Variants in SORCS2 observed in about 807,000 individuals in gnomAD.
SORCS2 encodes VPS10 domain-containing receptor SorCS2.
Under a neutral mutation model 141.6 loss-of-function variants are expected in SORCS2, and 100 were observed. The observed-to-expected ratio is 0.71, with a 90% CI of 0.60 to 0.83. SORCS2 has a LOEUF of 0.83. Ranked by LOEUF, SORCS2 falls within the 40% of genes least tolerant of loss-of-function variation. The pLI is 0.00. For missense variants in SORCS2, 1,646 were observed against 1,560.2 expected (o/e 1.05, Z -0.93); for synonymous variants, 789 against 676.9 (o/e 1.17, Z -2.57).
At chr4:7,267,240 A>T (rs371804148) in intron 1 of SORCS2, among the ~76,000 whole-genome samples, 19 of 152,184 alleles carry the variant, frequency 1.2e-4, no homozygotes, top group East Asian at 7.7e-4. Context: ...TTCTGGTATA[A>T]CTACTTCTTC....
In SORCS2 at chr4:7,664,310, C is replaced by T. The variant is rs368853018; in HGVS notation, c.953-43C>T. 1.1e-4 allele frequency: 169 copies of T among 1,544,106 alleles called. 1 individual carries two copies. The South Asian group carries it at 1.4e-3, about 13-fold the overall frequency. ...ACATGTCTCGGGCCGTCTCTGGCTC[C>T]GGCTGGAGTCTGACCGCCTGGGTCG... On this transcript the variant is annotated intron_variant, in intron 6 of 26. Coordinates refer to ENST00000507866, the MANE Select transcript of SORCS2 (RefSeq NM_020777.3). The surrounding 1 kb of genome is among the most constrained non-coding windows in gnomAD (Gnocchi z 4.7).
At chr4:7,443,784 C>G (rs768923121) in intron 2 of SORCS2, among the ~76,000 whole-genome samples, 26 of 152,242 alleles carry the variant, frequency 1.7e-4, no homozygotes, top group Non-Finnish European at 3.7e-4. Flanking sequence ...GGCCAAGCAT[C>G]TCCCATGTGG....
chr4:7,704,867 C>T (rs1160142615), intron 14 of SORCS2, among the ~76,000 whole-genome samples: 23 of 152,186 alleles, frequency 1.5e-4, no homozygotes. Flanking sequence ...TGCCCTCGAA[C>T]ATGGGCCCCT....
At chr4:7,727,011 T>G in intron 21 of SORCS2, 108 bp downstream of exon 21, 38 of 1,255,804 alleles carry the variant, frequency 3.0e-5, no homozygotes, top group East Asian at 8.5e-5. Context: ...TCACCCTGAG[T>G]GGCCCTGGGG....
intron 1 of SORCS2, among the ~76,000 whole-genome samples, chr4:7,256,947 G>A (rs1257751611): frequency 6.6e-6 from 1 of 152,208 alleles, no homozygotes; most frequent in Non-Finnish European, 1.5e-5. Context: ...TCCTTTGGAT[G>A]TAGGTGTCAT....
At chr4:7,729,476 G>T in intron 22 of SORCS2, 111 bp from the exon 23 acceptor site, 2 of 1,401,050 alleles carry the variant, frequency 1.4e-6, no homozygotes, top group Non-Finnish European at 1.9e-6. Context: ...GGAACGGCCT[G>T]TGAGACAGGT....
At position 7,648,231 on chromosome 4, in the gene SORCS2, G is replaced by A. The variant is rs919439314; in HGVS notation, c.814-5903G>A. Among the ~76,000 whole-genome samples the A allele has an allele frequency of 1.5e-4, 23 of 152,188 alleles. No homozygotes were observed. Among genetic ancestry groups the A allele is most frequent in the African/African-American group, 5.6e-4 (23 of 41,436 alleles). ...GGAGGAGGAAGACACGGAGGCTGGAGGAGCAGGGCTGGTTGAGAAAGGAGC... is the reference window on the plus strand; with the variant it reads ...GGAGGAGGAAGACACGGAGGCTGGAAGAGCAGGGCTGGTTGAGAAAGGAGC... On this transcript the variant is annotated intron_variant, in intron 4 of 26. Coordinates refer to ENST00000507866, the MANE Select transcript of SORCS2 (RefSeq NM_020777.3). The surrounding 1 kb of genome is among the most constrained non-coding windows in gnomAD (Gnocchi z 4.2).
At chr4:7,722,949 G>C (rs1340585053) in intron 18 of SORCS2, among the ~76,000 whole-genome samples, 2 of 152,180 alleles carry the variant, frequency 1.3e-5, no homozygotes, top group Non-Finnish European at 2.9e-5. Flanking sequence ...GGGAGGAAGA[G>C]GGAAGGGGAG....
rs200881112 is a variant in SORCS2, at chr4:7,363,197, C to T, written c.481-33091C>T. Reference sequence around the variant, plus strand: ...TTACTACCCTCATCACCACCTTCACCGTCACCACCACCACCACCACCATTA... The same window carrying T: ...TTACTACCCTCATCACCACCTTCACTGTCACCACCACCACCACCACCATTA... On this transcript the variant is annotated intron_variant, in intron 1 of 26. Coordinates refer to ENST00000507866, the MANE Select transcript of SORCS2 (RefSeq NM_020777.3). Among the ~76,000 whole-genome samples the T allele has an allele frequency of 4.0e-4, 59 of 148,072 alleles. No homozygotes were observed. In the East Asian group the frequency reaches 0.011, roughly 29 times the overall value.
chr4:7,573,360 C>A (rs945158088), intron 3 of SORCS2, among the ~76,000 whole-genome samples: 5 of 152,220 alleles, frequency 3.3e-5, no homozygotes, highest in African/African-American at 4.8e-5. Flanking sequence ...AGTGGCAAGA[C>A]CTCGGTTACT....
At chr4:7,736,072 C>G (rs940285052) in intron 25 of SORCS2, among the ~76,000 whole-genome samples, 1 of 152,258 alleles carries the variant, frequency 6.6e-6, no homozygotes, top group African/African-American at 2.4e-5. Flanking sequence ...CATCTCACAG[C>G]AGAGCAACGC....
chr4:7,514,288 C>T (rs1301514356), intron 2 of SORCS2, among the ~76,000 whole-genome samples: 1 of 152,066 alleles, frequency 6.6e-6, no homozygotes, highest in East Asian at 1.9e-4. Context: ...CTTGGGTGGG[C>T]CTGGCTCACA....
At chr4:7,503,512 A>G (rs1732098624) in intron 2 of SORCS2, among the ~76,000 whole-genome samples, 1 of 152,188 alleles carries the variant, frequency 6.6e-6, no homozygotes. Context: ...ACAGAGATGG[A>G]GACAGAGAGA....
At chr4:7,482,772 C>T (rs1257024288) in intron 2 of SORCS2, among the ~76,000 whole-genome samples, 3 of 146,288 alleles carry the variant, frequency 2.1e-5, no homozygotes, top group Non-Finnish European at 3.0e-5. Context: ...ACCTGTATCC[C>T]CGCTGCGGAC....
At chr4:7,595,614 G>A (rs1717221006) in intron 3 of SORCS2, among the ~76,000 whole-genome samples, 1 of 151,598 alleles carries the variant, frequency 6.6e-6, no homozygotes, top group Non-Finnish European at 1.5e-5. Context: ...AGGGTCCTAG[G>A]AGCTGTGTGC....
intron 1 of SORCS2, among the ~76,000 whole-genome samples, chr4:7,302,789 G>GTGTGTGTGTGTGTA: frequency 8.2e-6 from 1 of 122,288 alleles, no homozygotes; most frequent in Non-Finnish European, 1.8e-5. Flanking sequence ...GTGTGTGTGT[G>GTGTGTGTGTGTGTA]CGCGCGCGTG....
chr4:7,228,875 C>T (rs535054372), intron 1 of SORCS2, among the ~76,000 whole-genome samples: 7 of 152,222 alleles, frequency 4.6e-5, no homozygotes, highest in Non-Finnish European at 8.8e-5. Flanking sequence ...ATGGCATCAG[C>T]AGCCGGGCTG....
chr4:7,593,399 T>G (rs1157263243), intron 3 of SORCS2, among the ~76,000 whole-genome samples: 1 of 152,140 alleles, frequency 6.6e-6, no homozygotes, highest in Non-Finnish European at 1.5e-5. Flanking sequence ...CAGTCTTCAT[T>G]GGAAAGCAGG....
chr4:7,374,652 A>G (rs1722515356), intron 1 of SORCS2, among the ~76,000 whole-genome samples: 1 of 152,100 alleles, frequency 6.6e-6, no homozygotes, highest in African/African-American at 2.4e-5. Context: ...CTCAGTAACG[A>G]CCAAGAGCTG....
Sources: gnomAD v4.1 joint callset for allele counts (sites outside exome capture counted in the v4.1 genomes callset) on GRCh38, gnomAD v4.1.1 for gene constraint, Gnocchi (gnomAD v3.1) non-coding constraint, MANE v1.5 for transcripts, NCBI Gene and HGNC (gene_info 2026-07-23, HGNC 2026-07-21) for gene names.